The following DHDH variants were observed in gnomAD, a reference collection of about 807,000 sequenced individuals.
The protein encoded by DHDH is trans-1,2-dihydrobenzene-1,2-diol dehydrogenase.
A neutral mutation model predicts 33.2 loss-of-function variants in DHDH; 29 were observed. That is an observed-to-expected ratio of 0.87 (90% CI 0.65 to 1.19). The LOEUF (loss-of-function observed/expected upper bound fraction) is 1.19, where lower values mean the gene tolerates loss of function less well. DHDH is among the 50% of genes most tolerant of loss of function. DHDH has a pLI of 0.00. For synonymous variants in DHDH, 201 were observed against 187.9 expected (o/e 1.07, Z -0.57); for missense variants, 431 against 455.0 (o/e 0.95, Z 0.48).
upstream of DHDH, among the ~76,000 whole-genome samples, chr19:48,933,408 T>C (rs2037729071): frequency 6.6e-6 from 1 of 152,208 alleles, no homozygotes; most frequent in African/African-American, 2.4e-5. Context: ...CAAGGATTGG[T>C]GTTGGCAAGA....
At chr19:48,938,271 A>G (rs747669437) in intron 3 of DHDH, among the ~76,000 whole-genome samples, 1 of 151,514 alleles carries the variant, frequency 6.6e-6, no homozygotes, top group Non-Finnish European at 1.5e-5. Context: ...TAATTTTTGT[A>G]TTTGTAGTAG....
chr19:48,933,898 C>T (rs970268749), intron 1 of DHDH, 87 bp downstream of exon 1: 13 of 1,241,740 alleles, frequency 1.0e-5, no homozygotes, highest in Non-Finnish European at 1.5e-5. Flanking sequence ...GGGTTCAGGA[C>T]TAGTGAGTGG....
At chr19:48,935,186 C>A in intron 2 of DHDH, 75 bp downstream of exon 2, 1 of 1,164,458 alleles carries the variant, frequency 8.6e-7, no homozygotes, top group East Asian at 2.8e-5. Context: ...CTGGGAGATG[C>A]AAGGCTCCTC....
chr19:48,936,332 C>T (rs1201094712), intron 3 of DHDH, 137 bp downstream of exon 3: 8 of 1,233,748 alleles, frequency 6.5e-6, no homozygotes, highest in Non-Finnish European at 8.6e-6. Flanking sequence ...ACCGTGAAAG[C>T]CATTGCTTTT....
At chr19:48,934,689 C>T (rs1485716478) in intron 1 of DHDH, among the ~76,000 whole-genome samples, 1 of 151,636 alleles carries the variant, frequency 6.6e-6, no homozygotes, top group East Asian at 1.9e-4. Flanking sequence ...ATTCATGATA[C>T]AGATTCCTTT....
chr19:48,937,094 G>A (rs1244859656), intron 3 of DHDH, among the ~76,000 whole-genome samples: 2 of 151,762 alleles, frequency 1.3e-5, no homozygotes, highest in African/African-American at 4.8e-5. Flanking sequence ...CCTACCTCAA[G>A]GTCTTTCATG....
intron 2 of DHDH, among the ~76,000 whole-genome samples, 170 bp from the exon 3 acceptor site, chr19:48,935,862 G>A (rs2037765549): frequency 1.3e-5 from 2 of 152,030 alleles, no homozygotes; most frequent in Non-Finnish European, 2.9e-5. Flanking sequence ...AAAAGAGAGC[G>A]AGAATGGCGA....
In DHDH at chr19:48,944,959, C is replaced by T. The variant is rs1281560259; in HGVS notation, c.*26C>T. ...TGTATCCCCGAATAAATAAAGACATCTTACATCTTCGTGGTAGTGGTTTGG... is the reference window on the plus strand; with the variant it reads ...TGTATCCCCGAATAAATAAAGACATTTTACATCTTCGTGGTAGTGGTTTGG... On this transcript the variant is annotated 3_prime_UTR_variant, in exon 7 of 7. Transcript: ENST00000221403. 1.3e-6 allele frequency: 2 copies of T among 1,598,958 alleles called. No homozygotes were observed. The highest frequency in any genetic ancestry group is 3.3e-5 in the Admixed American group (2 of 59,842).
In DHDH at chr19:48,935,031, G is replaced by C. The variant is rs201753232; in HGVS notation, c.122G>C (p.Arg41Pro). The C allele has an allele frequency of 1.9e-6, 3 of 1,585,498 alleles. No individual in the cohort carries two copies. In the Admixed American group the frequency reaches 5.4e-5, roughly 28 times the overall value. The part of the protein sequence containing the change: ...VVAVAARDLS[R>P]AKEFAQKHDI... Reference sequence around the variant, plus strand: ...GCGGTGGCGGCCCGCGATCTGAGCCGTGCGAAGGAGTTTGCACAGAAACAC... The same window carrying C: ...GCGGTGGCGGCCCGCGATCTGAGCCCTGCGAAGGAGTTTGCACAGAAACAC... Residue 41 changes from arginine to proline, a missense_variant, in exon 2 of 7, where the codon CGT becomes CCT. Physicochemically the swap from Arg to Pro is moderately radical, Grantham distance 103. Coordinates refer to ENST00000221403, the MANE Select transcript of DHDH (RefSeq NM_014475.4).
At chr19:48,936,003 G>T in intron 2 of DHDH, 29 bp from the exon 3 acceptor site, 1 of 1,572,366 alleles carries the variant, frequency 6.4e-7, no homozygotes, top group Non-Finnish European at 8.6e-7. Flanking sequence ...GGGCGGGGCT[G>T]CTGACCTCTT....
At position 48,942,514 on chromosome 19, in the gene DHDH, G is replaced by A. The variant is rs368374944; in HGVS notation, c.694G>A (p.Val232Met). 252 of 1,613,680 alleles carry A rather than the reference G, an allele frequency of 1.6e-4. No homozygotes were observed. Among genetic ancestry groups the A allele is most frequent in the Non-Finnish European group, 2.0e-4 (240 of 1,179,878 alleles). The change falls in exon 5 of 7, where the codon GTG (valine) becomes ATG (methionine). Residue 232 changes from valine (V) to methionine (M), a missense_variant. Physicochemically the swap from Val to Met is conservative, Grantham distance 21. Transcript: ENST00000221403. ...VHGSFTCSIT[V>M]QLSNTASVSG... ...TGGCAGCTTCACCTGCAGCATCACCGTGCAGCTCTCCAACACGGCCTCCGT... is the reference window on the plus strand; with the variant it reads ...TGGCAGCTTCACCTGCAGCATCACCATGCAGCTCTCCAACACGGCCTCCGT...
At chr19:48,941,358 T>C (rs932562135) in intron 4 of DHDH, among the ~76,000 whole-genome samples, 7 of 152,268 alleles carry the variant, frequency 4.6e-5, no homozygotes, top group African/African-American at 1.7e-4. Context: ...GCCAGCTCAG[T>C]TTTCAGAGAT....
upstream of DHDH, among the ~76,000 whole-genome samples, chr19:48,933,465 G>C (rs928572854): frequency 6.6e-6 from 1 of 152,150 alleles, no homozygotes; most frequent in Non-Finnish European, 1.5e-5. Context: ...CGTATCCGAC[G>C]AGCCTAAAGT....
chr19:48,936,725 AAC>A (rs1491017975), intron 3 of DHDH, among the ~76,000 whole-genome samples: 2 of 151,602 alleles, frequency 1.3e-5, no homozygotes, highest in Admixed American at 6.6e-5. Context: ...CAAAAAAAAA[AAC>A]AAGAAAAAGA....
intron 1 of DHDH, among the ~76,000 whole-genome samples, chr19:48,934,506 C>A (rs1021815050): frequency 2.6e-5 from 4 of 152,194 alleles, no homozygotes; most frequent in African/African-American, 9.7e-5. Context: ...GTAAAGCGGA[C>A]CATTCCCATT....
chr19:48,936,123 C>T lies in DHDH; in HGVS notation c.294C>T (p.Pro98=). The T allele has an allele frequency of 6.2e-7, 1 of 1,611,322 alleles. No homozygotes were observed. Among genetic ancestry groups the T allele is most frequent in the Non-Finnish European group, 8.5e-7 (1 of 1,179,480 alleles). ...AAGKAVLCEK[P]TGVNAAEVRE... ...GCAAGGCCGTTCTGTGCGAGAAGCC[C>T]ACGGGCGTGAACGCGGCGGAAGTTC... Residue 98 remains proline (P), a synonymous_variant, in exon 3 of 7, where the codon CCC becomes CCT. Transcript: ENST00000221403.
intron 3 of DHDH, among the ~76,000 whole-genome samples, chr19:48,937,449 GCA>G (rs2037794082): frequency 6.6e-6 from 1 of 152,152 alleles, no homozygotes; most frequent in Admixed American, 6.5e-5. Flanking sequence ...GCCGAGGCGG[GCA>G]GATCACCTGA....
intron 3 of DHDH, among the ~76,000 whole-genome samples, chr19:48,939,106 C>T (rs878903798): frequency 6.6e-6 from 1 of 151,878 alleles, no homozygotes; most frequent in Non-Finnish European, 1.5e-5. Context: ...ACAATTCATC[C>T]CATAACATGG....
intron 3 of DHDH, among the ~76,000 whole-genome samples, chr19:48,937,032 C>T (rs999255903): frequency 6.6e-6 from 1 of 152,016 alleles, no homozygotes; most frequent in Admixed American, 6.5e-5. Context: ...GATCCTCCTG[C>T]CGCGGCCTCC....
Sources: allele counts gnomAD v4.1 joint callset (sites outside exome capture counted in the v4.1 genomes callset), GRCh38; gene constraint gnomAD v4.1.1; transcripts MANE v1.5; gene names NCBI Gene and HGNC (gene_info 2026-07-23, HGNC 2026-07-21).